Variants in DOP1A observed in about 807,000 individuals in gnomAD.
The protein encoded by DOP1A is DOP1 leucine zipper like protein A.
DOP1A carries 90 observed loss-of-function variants against 267.6 expected under a neutral mutation model. The observed-to-expected ratio is 0.34, with a 90% CI of 0.28 to 0.40. DOP1A has a LOEUF of 0.40. DOP1A is among the 10% of genes least tolerant of loss of function. The pLI is 1.00. For missense variants in DOP1A, 2,437 were observed against 2,900.4 expected (o/e 0.84, Z 3.67); for synonymous variants, 932 against 999.1 (o/e 0.93, Z 1.27).
Position 83,140,237 on chromosome 6 carries a change from A to G in DOP1A, c.5249A>G (p.Asp1750Gly), listed in dbSNP as rs1026343264. The G allele has an allele frequency of 2.5e-6, 4 of 1,612,386 alleles. No homozygotes were observed. In the Admixed American group the frequency reaches 6.7e-5, roughly 27 times the overall value. Residue 1750 changes from aspartate (D) to glycine (G), a missense_variant, in exon 23 of 39, where the codon GAC becomes GGC. Physicochemically the swap from Asp to Gly is moderately conservative, Grantham distance 94 (BLOSUM62 -1). This residue lies in a region of DOP1A where 307 missense variants were observed against 308.6 expected (regional missense o/e 0.99). Coordinates refer to ENST00000349129, the MANE Select transcript of DOP1A (RefSeq NM_015018.4). ...TQYHQLLVSV[D>G]QKHLFEARSG... ...TGTTAATAGCTTTTGGTCAGTGTAG[A>G]CCAGAAACACTTGTTTGAAGCACGC...
At chr6:83,095,654 G>A (rs1233185032) in intron 1 of DOP1A, among the ~76,000 whole-genome samples, 1 of 152,176 alleles carries the variant, frequency 6.6e-6, no homozygotes, top group Non-Finnish European at 1.5e-5. Flanking sequence ...TGTAACAAAT[G>A]ACCCCTGAAC....
chr6:83,170,523 T>A, downstream of DOP1A: 1 of 1,496,182 alleles, frequency 6.7e-7, no homozygotes, highest in Non-Finnish European at 9.3e-7. Flanking sequence ...ACACTTCCTT[T>A]CAGAAGCTTA....
chr6:83,082,086 A>G (rs1242444938), intron 1 of DOP1A, among the ~76,000 whole-genome samples: 2 of 152,196 alleles, frequency 1.3e-5, no homozygotes, highest in Non-Finnish European at 2.9e-5. Flanking sequence ...GTAAATTAGT[A>G]TAGCCATTAT....
chr6:83,112,188 A>G (rs1420530823), intron 6 of DOP1A, among the ~76,000 whole-genome samples: 4 of 152,116 alleles, frequency 2.6e-5, no homozygotes, highest in Non-Finnish European at 5.9e-5. Flanking sequence ...TATTCTTTCT[A>G]ATATTCAAAG....
chr6:83,151,059 G>A (rs993728790), intron 27 of DOP1A, among the ~76,000 whole-genome samples: 3 of 152,134 alleles, frequency 2.0e-5, no homozygotes, highest in African/African-American at 7.2e-5. Context: ...AATATTTTGT[G>A]TCGGCTTCTT....
At chr6:83,089,199 A>T (rs1477331891) in intron 1 of DOP1A, among the ~76,000 whole-genome samples, 1 of 152,234 alleles carries the variant, frequency 6.6e-6, no homozygotes, top group Non-Finnish European at 1.5e-5. Context: ...TAGCCAAAGT[A>T]TCTTTGTGTT....
intron 38 of DOP1A, chr6:83,164,649 TC>T: frequency 1.3e-6 from 2 of 1,564,518 alleles, no homozygotes; most frequent in Non-Finnish European, 1.7e-6. Context: ...TTCTCCTCTT[TC>T]CTTCCACAGG....
intron 1 of DOP1A, among the ~76,000 whole-genome samples, chr6:83,090,789 G>A (rs1410298376): frequency 6.6e-6 from 1 of 152,086 alleles, no homozygotes; most frequent in Non-Finnish European, 1.5e-5. Context: ...AAATGACTGA[G>A]AACTGCAATT....
chr6:83,090,575 A>G (rs1458463194), intron 1 of DOP1A, among the ~76,000 whole-genome samples: 2 of 152,236 alleles, frequency 1.3e-5, no homozygotes, highest in African/African-American at 4.8e-5. Flanking sequence ...CTTTGTTAAG[A>G]GACATGGTGA....
At chr6:83,170,967 A>AGGAAGTACTCTGTGAACT (rs1366574979), downstream of DOP1A, 1 of 154,586 alleles carries the variant, frequency 6.5e-6, no homozygotes, top group African/African-American at 2.4e-5. Context: ...TCTCTCCCTC[A>AGGAAGTACTCTGTGAACT]GGAAGTACTC....
intron 35 of DOP1A, among the ~76,000 whole-genome samples, chr6:83,158,147 T>C (rs563192317): frequency 1.2e-4 from 18 of 152,090 alleles, no homozygotes; most frequent in East Asian, 5.8e-4. Flanking sequence ...TACAGGCACC[T>C]GCCACCACAC....
chr6:83,127,641 C>G (rs192860508), intron 15 of DOP1A, among the ~76,000 whole-genome samples: 124 of 152,186 alleles, frequency 8.1e-4, no homozygotes, highest in South Asian at 4.2e-4. Context: ...GTGGGAAGAC[C>G]TATAGTAGCG....
chr6:83,157,104 A>C (rs1034459087), intron 34 of DOP1A, 78 bp from the exon 35 acceptor site: 2 of 1,388,056 alleles, frequency 1.4e-6, no homozygotes. Context: ...ATAGTTTGAG[A>C]GTACTGGACC....
At chr6:83,151,712 G>C in intron 28 of DOP1A, 53 bp downstream of exon 28, 1 of 1,526,510 alleles carries the variant, frequency 6.6e-7, no homozygotes, top group Non-Finnish European at 8.9e-7. Context: ...CCCTCAATTT[G>C]AAAATGAGAG....
chr6:83,139,269 G>A, intron 21 of DOP1A, 107 bp downstream of exon 21: 1 of 866,728 alleles, frequency 1.2e-6, no homozygotes, highest in Non-Finnish European at 1.8e-6. Flanking sequence ...AATGGTTTTT[G>A]GTAGGTTACA....
chr6:83,126,149 C>T (rs1312871614), intron 15 of DOP1A, among the ~76,000 whole-genome samples: 2 of 150,578 alleles, frequency 1.3e-5, no homozygotes, highest in African/African-American at 2.4e-5. Context: ...ACTTACAGCA[C>T]ATCTTCGTGC....
chr6:83,092,574 A>G (rs1310535378), intron 1 of DOP1A, among the ~76,000 whole-genome samples: 5 of 74,474 alleles, frequency 6.7e-5, no homozygotes, highest in Admixed American at 2.1e-4. Context: ...CCCCCACCAT[A>G]TTCACCAGGG....
At chr6:83,102,878 T>A (rs1772839295) in intron 4 of DOP1A, among the ~76,000 whole-genome samples, 1 of 152,182 alleles carries the variant, frequency 6.6e-6, no homozygotes, top group Non-Finnish European at 1.5e-5. Flanking sequence ...ACTATTATTC[T>A]TTTCCCCCCA....
At chr6:83,147,400 A>G (rs1460508616) in intron 26 of DOP1A, 109 bp downstream of exon 26, 5 of 469,362 alleles carry the variant, frequency 1.1e-5, no homozygotes, top group African/African-American at 1.0e-4. Flanking sequence ...CCAGCCATGT[A>G]TATCCTACAA....
Sources: allele counts gnomAD v4.1 joint callset (sites outside exome capture counted in the v4.1 genomes callset), GRCh38; gene constraint gnomAD v4.1.1; regional missense constraint gnomAD v4.1.1; transcripts MANE v1.5; gene names NCBI Gene and HGNC (gene_info 2026-07-23, HGNC 2026-07-21).